Variants in ANKS1B observed in about 807,000 individuals in gnomAD.
ANKS1B encodes the protein ankyrin repeat and sterile alpha motif domain-containing protein 1B.
ANKS1B carries 36 observed loss-of-function variants against 148.3 expected under a neutral mutation model. The observed-to-expected ratio is 0.24, with a 90% confidence interval of 0.19 to 0.32. The LOEUF is 0.32. Among genes scored for constraint, ANKS1B ranks in the 10% least tolerant of loss-of-function variants. ANKS1B has a pLI of 1.00. For synonymous variants in ANKS1B, 542 were observed against 560.8 expected (o/e 0.97, Z 0.47); for missense variants, 1,157 against 1,542.6 (o/e 0.75, Z 4.19).
At chr12:98,844,505 G>GT (rs2099432544) in intron 17 of ANKS1B, among the ~76,000 whole-genome samples, 1 of 152,182 alleles carries the variant, frequency 6.6e-6, no homozygotes, top group African/African-American at 2.4e-5. Flanking sequence ...TTGAAAATCA[G>GT]TTTTTGCCAA....
chr12:99,181,033 C>A (rs1566568755), intron 14 of ANKS1B, among the ~76,000 whole-genome samples: 3 of 152,172 alleles, frequency 2.0e-5, no homozygotes, highest in Non-Finnish European at 4.4e-5. Context: ...ACTGTTTTCT[C>A]CAACCATACT....
chr12:99,867,518 T>C (rs1026990627), intron 1 of ANKS1B, among the ~76,000 whole-genome samples: 4 of 152,166 alleles, frequency 2.6e-5, no homozygotes, highest in East Asian at 1.9e-4. Flanking sequence ...TTGTCTTACA[T>C]GGCAGCAGGC....
rs575054694 is a variant in ANKS1B at position 98,931,026 on chromosome 12, T to C, written c.2779-98890A>G. On this transcript the variant is annotated intron_variant, in intron 17 of 26. Transcript: ENST00000683438. ...TGGCAGCTCTGGCAGAAAATGATGG[T>C]GACAGAAAATGACATTTCAGGAATG... 8.5e-5 allele frequency among the ~76,000 whole-genome samples: 13 copies of C among 152,050 alleles called. No individual in the cohort carries two copies. The South Asian group carries it at 2.5e-3, about 29-fold the overall frequency.
chr12:99,279,154 T>C (rs2078065219), intron 12 of ANKS1B, among the ~76,000 whole-genome samples: 1 of 152,178 alleles, frequency 6.6e-6, no homozygotes, highest in Non-Finnish European at 1.5e-5. Context: ...CAGACTATCC[T>C]CCTGCCTTTG....
intron 17 of ANKS1B, chr12:98,895,235 C>T (rs2099762481): frequency 1.0e-6 from 1 of 985,626 alleles, no homozygotes; most frequent in Non-Finnish European, 1.2e-6. Context: ...CGGGGGCCTC[C>T]TCCTGGCTCC....
intron 17 of ANKS1B, among the ~76,000 whole-genome samples, chr12:99,026,352 T>TAA (rs1200713749): frequency 1.3e-5 from 2 of 152,170 alleles, no homozygotes; most frequent in Non-Finnish European, 2.9e-5. Flanking sequence ...AGTTCACACT[T>TAA]ACGCTGTTAT....
At chr12:99,134,343 G>T (rs968086536) in intron 15 of ANKS1B, among the ~76,000 whole-genome samples, 1 of 152,114 alleles carries the variant, frequency 6.6e-6, no homozygotes, top group Non-Finnish European at 1.5e-5. Context: ...CCAGAAGTCA[G>T]AAAGAGCGTG....
intron 8 of ANKS1B, among the ~76,000 whole-genome samples, chr12:99,771,108 T>G (rs2063148098): frequency 6.6e-6 from 1 of 152,062 alleles, no homozygotes; most frequent in Admixed American, 6.6e-5. Context: ...GAAGCTTGAA[T>G]CATGGTCTCC....
intron 17 of ANKS1B, among the ~76,000 whole-genome samples, chr12:98,990,926 G>T (rs140866021): frequency 4.3e-4 from 65 of 152,292 alleles, no homozygotes; most frequent in African/African-American, 1.5e-3. Context: ...TAGTTGGCTT[G>T]TCCTAGTGGC....
At position 99,226,033 on chromosome 12, in the gene ANKS1B, TTTTA is replaced by T. The variant is rs1383459099; in HGVS notation, c.2419+18305_2419+18308del. 2.6e-5 allele frequency among the ~76,000 whole-genome samples: 4 copies of T among 152,322 alleles called. No individual in the cohort carries two copies. In the East Asian group the frequency reaches 7.7e-4, roughly 29 times the overall value. On this transcript the variant is annotated intron_variant, in intron 14 of 26. Transcript: ENST00000683438. ...ACCTTTTACTACCGTTTCAATGGAT[TTTTA>T]TTTTACTGTAATTATATCTTTTTTT...
At chr12:99,451,707 T>C (rs979006232) in intron 10 of ANKS1B, among the ~76,000 whole-genome samples, 3 of 152,194 alleles carry the variant, frequency 2.0e-5, no homozygotes, top group Non-Finnish European at 4.4e-5. Flanking sequence ...AATTCTGGTA[T>C]ATTTAACTTC....
chr12:99,696,529 A>G lies in ANKS1B; in HGVS notation c.1129-41319T>C, dbSNP rs564555288. On this transcript the variant is annotated intron_variant, in intron 8 of 26. Coordinates refer to ENST00000683438, the MANE Select transcript of ANKS1B (RefSeq NM_001352186.2). Reference sequence around the variant, plus strand: ...CTGGAACAACTGAACATCCACATGTAAAAAAAAAAATTAGACACAGGTCTT... The same window carrying G: ...CTGGAACAACTGAACATCCACATGTGAAAAAAAAAATTAGACACAGGTCTT... 1.3e-4 allele frequency among the ~76,000 whole-genome samples: 20 copies of G among 148,350 alleles called. No homozygotes were observed. The East Asian group carries it at 3.5e-3, about 26-fold the overall frequency.
At chr12:99,547,486 A>C (rs2097181690) in intron 9 of ANKS1B, among the ~76,000 whole-genome samples, 1 of 152,250 alleles carries the variant, frequency 6.6e-6, no homozygotes, top group Admixed American at 6.5e-5. Context: ...AAGAAGTTGG[A>C]GGCTGAAATT....
At chr12:99,697,169 G>C (rs1470721154) in intron 8 of ANKS1B, among the ~76,000 whole-genome samples, 1 of 152,134 alleles carries the variant, frequency 6.6e-6, no homozygotes, top group African/African-American at 2.4e-5. Context: ...AAACAGTTTG[G>C]AAGTTTCTTA....
At chr12:99,833,799 T>C (rs1017842014) in intron 1 of ANKS1B, among the ~76,000 whole-genome samples, 3 of 152,320 alleles carry the variant, frequency 2.0e-5, no homozygotes, top group Non-Finnish European at 1.5e-5. Context: ...TCAGGGCCTA[T>C]AGATTTCAAT....
chr12:99,159,293 G>A (rs116992894), intron 14 of ANKS1B, among the ~76,000 whole-genome samples: 1 of 152,174 alleles, frequency 6.6e-6, no homozygotes, highest in African/African-American at 2.4e-5. Flanking sequence ...ATTGTGTGAT[G>A]TTAAGGTTTG....
intron 5 of ANKS1B, among the ~76,000 whole-genome samples, chr12:99,780,275 A>G (rs1165978838): frequency 1.3e-5 from 2 of 151,750 alleles, no homozygotes; most frequent in African/African-American, 2.4e-5. Flanking sequence ...TCAGGACCCT[A>G]TGATATCTTT....
At chr12:99,493,060 A>G (rs1228853235) in intron 10 of ANKS1B, among the ~76,000 whole-genome samples, 1 of 152,196 alleles carries the variant, frequency 6.6e-6, no homozygotes, top group Non-Finnish European at 1.5e-5. Flanking sequence ...AGAGACAGAA[A>G]TAAAGGGCAT....
chr12:99,138,496 C>T (rs533509264), intron 15 of ANKS1B, among the ~76,000 whole-genome samples: 2 of 152,338 alleles, frequency 1.3e-5, no homozygotes, highest in Middle Eastern at 6.8e-3. Context: ...TAGTCTCAGA[C>T]AGCTGTTTCC....
Sources: allele counts gnomAD v4.1 joint callset (sites outside exome capture counted in the v4.1 genomes callset), GRCh38; gene constraint gnomAD v4.1.1; transcripts MANE v1.5; gene names NCBI Gene and HGNC (gene_info 2026-07-23, HGNC 2026-07-21).